Variants in PPFIBP1 observed in about 807,000 individuals in gnomAD.
PPFIBP1 encodes the protein PPFIB scaffold protein 1.
PPFIBP1 carries 112 observed loss-of-function variants against 137.8 expected under a neutral mutation model. The observed-to-expected ratio is 0.81, with a 90% CI of 0.70 to 0.95. PPFIBP1 has a LOEUF of 0.95. Among genes scored for constraint, PPFIBP1 ranks in the 40% least tolerant of loss-of-function variants. The probability of loss-of-function intolerance (pLI) is 0.00; values close to 1 mark genes in which losing one functional copy is unlikely to be tolerated. For missense variants in PPFIBP1, 1,083 were observed against 1,196.6 expected (o/e 0.91, Z 1.40); for synonymous variants, 378 against 417.3 (o/e 0.91, Z 1.15).
At chr12:27,640,612 G>A (rs1053817668) in intron 4 of PPFIBP1, among the ~76,000 whole-genome samples, 5 of 149,458 alleles carry the variant, frequency 3.3e-5, no homozygotes, top group Non-Finnish European at 5.9e-5. Flanking sequence ...TGCCCACTGC[G>A]AAGCTCATGC....
At chr12:27,654,446 A>G (rs28454447) in intron 7 of PPFIBP1, 4,833 of 255,926 alleles carry the variant, frequency 0.019, 219 homozygotes, top group African/African-American at 0.099. Flanking sequence ...AATAATAGAT[A>G]TTACACTACC....
chr12:27,654,178 G>A (rs1256056683), intron 7 of PPFIBP1, among the ~76,000 whole-genome samples: 1 of 152,094 alleles, frequency 6.6e-6, no homozygotes, highest in Non-Finnish European at 1.5e-5. Context: ...GGAATCTTAA[G>A]GATTCATGGC....
chr12:27,528,100 C>T (rs545317799), intron 1 of PPFIBP1, among the ~76,000 whole-genome samples: 1 of 152,046 alleles, frequency 6.6e-6, no homozygotes, highest in Non-Finnish European at 1.5e-5. Flanking sequence ...AGGTGTATAC[C>T]ACAACGCCTG....
In PPFIBP1 at chr12:27,691,851, A is replaced by G. The variant is rs772108348; in HGVS notation, c.2788A>G (p.Ser930Gly). ...AATGGAATTGGGACAGGCATCAGGA[A>G]GTGCATCTAAGAAAGGATTTAAACC... is the stretch of plus-strand genomic sequence containing the variant. ...CPMELGQASG[S>G]ASKKGFKPGL... The change falls in exon 28 of 30, where the codon AGT becomes GGT. Residue 930 changes from serine to glycine, a missense_variant. By Grantham distance (56) the Ser-to-Gly change is moderately conservative (BLOSUM62 0). Coordinates refer to ENST00000228425, the MANE Select transcript of PPFIBP1 (RefSeq NM_003622.4). The G allele has an allele frequency of 2.5e-6, 4 of 1,614,072 alleles. No individual in the cohort carries two copies. The South Asian group carries it at 4.4e-5, about 18-fold the overall frequency.
chr12:27,586,184 C>T (rs1014217893), intron 2 of PPFIBP1, among the ~76,000 whole-genome samples: 4 of 152,054 alleles, frequency 2.6e-5, no homozygotes, highest in African/African-American at 9.7e-5. Flanking sequence ...AAGTAACTTC[C>T]CCAGGATCCA....
At chr12:27,577,523 C>T (rs931177191) in intron 1 of PPFIBP1, among the ~76,000 whole-genome samples, 23 of 152,134 alleles carry the variant, frequency 1.5e-4, no homozygotes, top group African/African-American at 4.1e-4. Flanking sequence ...TCAAAAGGAA[C>T]GTTCACTGTT....
At chr12:27,591,018 A>T (rs2052443704) in intron 2 of PPFIBP1, among the ~76,000 whole-genome samples, 1 of 152,034 alleles carries the variant, frequency 6.6e-6, no homozygotes, top group East Asian at 1.9e-4. Flanking sequence ...ACAGAATATT[A>T]TCACTCATAG....
chr12:27,574,542 A>G (rs1271454952), intron 1 of PPFIBP1, among the ~76,000 whole-genome samples: 3 of 152,194 alleles, frequency 2.0e-5, no homozygotes, highest in African/African-American at 7.2e-5. Context: ...ATTAGCTCTA[A>G]TCTTAGATGG....
At chr12:27,597,400 C>G (rs2053445337) in intron 2 of PPFIBP1, among the ~76,000 whole-genome samples, 1 of 152,166 alleles carries the variant, frequency 6.6e-6, no homozygotes, top group African/African-American at 2.4e-5. Context: ...GTGATCCACC[C>G]ACCTCGGCTC....
chr12:27,576,703 G>A (rs1156472782), intron 1 of PPFIBP1, among the ~76,000 whole-genome samples: 1 of 152,152 alleles, frequency 6.6e-6, no homozygotes, highest in Non-Finnish European at 1.5e-5. Flanking sequence ...GACTGACTGG[G>A]ATTTTCTGCA....
chr12:27,531,329 G>A (rs1390685089), intron 1 of PPFIBP1, among the ~76,000 whole-genome samples: 2 of 152,032 alleles, frequency 1.3e-5, no homozygotes, highest in Non-Finnish European at 2.9e-5. Context: ...GTCTCGTGCT[G>A]TCACCCAGGC....
chr12:27,540,868 T>C (rs1592331925), intron 1 of PPFIBP1, among the ~76,000 whole-genome samples: 1 of 152,372 alleles, frequency 6.6e-6, no homozygotes, highest in Non-Finnish European at 1.5e-5. Flanking sequence ...TATTGGGAAT[T>C]AGTATTTTTC....
rs2056455322 is a variant in PPFIBP1, at chr12:27,622,767, A to G, written c.-35-10595A>G. On this transcript the variant is annotated intron_variant, in intron 2 of 29. Coordinates refer to ENST00000228425, the MANE Select transcript of PPFIBP1 (RefSeq NM_003622.4). ...CCCTCAATCAATATTTGTTGCAGGT[A>G]TGTGTGTGTGTATGTGTGTGTCTGA... is the stretch of plus-strand genomic sequence containing the variant. Among the ~76,000 whole-genome samples the G allele has an allele frequency of 2.6e-5, 4 of 152,274 alleles. No individual in the cohort carries two copies. In the East Asian group the frequency reaches 7.7e-4, roughly 29 times the overall value.
chr12:27,631,125 T>C (rs980988669), intron 2 of PPFIBP1, among the ~76,000 whole-genome samples: 5 of 152,222 alleles, frequency 3.3e-5, no homozygotes, highest in Admixed American at 1.3e-4. Flanking sequence ...TAATTGGTTA[T>C]AAAACATTAT....
chr12:27,677,784 G>C (rs2060618792), intron 19 of PPFIBP1: 1 of 152,240 alleles, frequency 6.6e-6, no homozygotes, highest in Non-Finnish European at 1.5e-5. Context: ...GATAAGCTAG[G>C]CAGCATTTTC....
intron 1 of PPFIBP1, among the ~76,000 whole-genome samples, chr12:27,577,084 A>G (rs986708902): frequency 1.3e-5 from 2 of 152,152 alleles, no homozygotes; most frequent in African/African-American, 4.8e-5. Flanking sequence ...ATGGACAGAT[A>G]CTTACCTGAT....
chr12:27,611,358 C>A (rs911681647), intron 2 of PPFIBP1, among the ~76,000 whole-genome samples: 15 of 152,238 alleles, frequency 9.9e-5, no homozygotes, highest in African/African-American at 3.6e-4. Flanking sequence ...TGGCTGTCTT[C>A]TTTTGCATTC....
rs150367272 is a variant in PPFIBP1, at chr12:27,682,412, A to G, written c.2072A>G (p.His691Arg). 19 of 1,613,592 alleles carry G rather than the reference A, an allele frequency of 1.2e-5. No individual in the cohort carries two copies. Among genetic ancestry groups the G allele is most frequent in the African/African-American group, 6.7e-5 (5 of 75,074 alleles). Residue 691 changes from histidine (H) to arginine (R), a missense_variant, in exon 23 of 30, where the codon CAT becomes CGT. Physicochemically the swap from His to Arg is conservative, Grantham distance 29. Coordinates refer to ENST00000228425, the MANE Select transcript of PPFIBP1 (RefSeq NM_003622.4). ...EKELGIKHSL[H>R]RKKLQLALQA... is the part of the protein sequence containing the mutation. ...GAACTTGGAATCAAGCATTCACTTCATCGAAAGAAACTCCAGCTAGCACTC... is the reference window on the plus strand; with the variant it reads ...GAACTTGGAATCAAGCATTCACTTCGTCGAAAGAAACTCCAGCTAGCACTC...
chr12:27,660,966 T>C, intron 11 of PPFIBP1, 21 bp downstream of exon 11: 1 of 1,611,288 alleles, frequency 6.2e-7, no homozygotes, highest in Non-Finnish European at 8.5e-7. Context: ...GAAATTTAAA[T>C]ATACGTGTGG....
Sources: gnomAD v4.1 joint callset for allele counts (sites outside exome capture counted in the v4.1 genomes callset) on GRCh38, gnomAD v4.1.1 for gene constraint, MANE v1.5 for transcripts, NCBI Gene and HGNC (gene_info 2026-07-23, HGNC 2026-07-21) for gene names.